STXBP5L: variants seen among roughly 807,000 people sequenced by gnomAD.
The protein encoded by STXBP5L is syntaxin binding protein 5L.
STXBP5L carries 65 observed loss-of-function variants against 144.5 expected under a neutral mutation model. The ratio of observed to expected loss-of-function variants is 0.45; its 90% CI spans 0.37 to 0.55. The LOEUF (loss-of-function observed/expected upper bound fraction) is 0.55. STXBP5L is among the 20% of genes least tolerant of loss of function. STXBP5L has a pLI of 0.00. For synonymous variants in STXBP5L, 505 were observed against 469.6 expected, an observed-to-expected ratio of 1.08 and a Z score of -0.97; for missense variants, 1,298 against 1,405.5, an observed-to-expected ratio of 0.92 and a Z score of 1.22.
intron 3 of STXBP5L, among the ~76,000 whole-genome samples, chr3:120,985,916 G>T (rs962509816): frequency 6.6e-6 from 1 of 150,970 alleles, no homozygotes; most frequent in Admixed American, 6.6e-5. Context: ...TTTTTAATTT[G>T]TCTCTGCTCT....
intron 19 of STXBP5L, among the ~76,000 whole-genome samples, chr3:121,301,715 G>A (rs912799155): frequency 2.0e-5 from 3 of 152,118 alleles, no homozygotes; most frequent in African/African-American, 4.8e-5. Context: ...TTTGAGATAT[G>A]TCCCATCAAT....
chr3:121,036,763 C>T (rs1946779308), intron 3 of STXBP5L, among the ~76,000 whole-genome samples: 1 of 120,944 alleles, frequency 8.3e-6, no homozygotes, highest in Non-Finnish European at 1.6e-5. Context: ...GGATGACTTA[C>T]ATTGATTGAT....
intron 23 of STXBP5L, among the ~76,000 whole-genome samples, chr3:121,408,217 G>A (rs574452153): frequency 6.6e-6 from 1 of 151,850 alleles, no homozygotes; most frequent in Non-Finnish European, 1.5e-5. Flanking sequence ...TCATTCTACT[G>A]TTAGTGAAAT....
intron 20 of STXBP5L, among the ~76,000 whole-genome samples, chr3:121,373,673 C>T (rs949340451): frequency 6.6e-6 from 1 of 152,164 alleles, no homozygotes; most frequent in African/African-American, 2.4e-5. Flanking sequence ...ACATGCCCCA[C>T]CCAGGGGAGC....
intron 9 of STXBP5L, among the ~76,000 whole-genome samples, chr3:121,203,560 A>C (rs532002959): frequency 6.6e-6 from 1 of 152,346 alleles, no homozygotes; most frequent in South Asian, 2.1e-4. Context: ...GATACACAAC[A>C]TGACATTTAA....
At chr3:120,955,194 A>T (rs1008794316) in intron 3 of STXBP5L, among the ~76,000 whole-genome samples, 157 bp downstream of exon 3, 10 of 152,094 alleles carry the variant, frequency 6.6e-5, no homozygotes, top group Admixed American at 1.3e-4. Context: ...ATTTATTGGC[A>T]TATTTTTAAT....
chr3:121,175,998 AT>A (rs2046918265), intron 9 of STXBP5L, among the ~76,000 whole-genome samples: 1 of 152,110 alleles, frequency 6.6e-6, no homozygotes, highest in Non-Finnish European at 1.5e-5. Context: ...TAATAAAGGC[AT>A]TTCTCAAGAA....
intron 11 of STXBP5L, among the ~76,000 whole-genome samples, 159 bp from the exon 12 acceptor site, chr3:121,233,457 C>A (rs1217821677): frequency 6.6e-6 from 1 of 152,038 alleles, no homozygotes; most frequent in African/African-American, 2.4e-5. Context: ...AGAAGCACAA[C>A]TTTTTTTAAG....
chr3:121,080,100 T>C (rs1482571908), intron 5 of STXBP5L, among the ~76,000 whole-genome samples: 1 of 152,206 alleles, frequency 6.6e-6, no homozygotes, highest in African/African-American at 2.4e-5. Context: ...TTTTTTTAAC[T>C]GTTATTGTTT....
intron 2 of STXBP5L, among the ~76,000 whole-genome samples, chr3:120,917,203 C>T (rs1425481342): frequency 6.6e-6 from 1 of 152,058 alleles, no homozygotes; most frequent in Non-Finnish European, 1.5e-5. Context: ...AAACAACAAA[C>T]AAATAACACA....
intron 3 of STXBP5L, among the ~76,000 whole-genome samples, chr3:120,989,092 T>A (rs1022771547): frequency 6.6e-6 from 1 of 152,140 alleles, no homozygotes; most frequent in Non-Finnish European, 1.5e-5. Flanking sequence ...GTTGATTCCA[T>A]ATCTCTGCTA....
chr3:120,981,084 A>T (rs1941724824), intron 3 of STXBP5L, among the ~76,000 whole-genome samples: 2 of 152,148 alleles, frequency 1.3e-5, no homozygotes, highest in Non-Finnish European at 1.5e-5. Context: ...TGTCAGTCTG[A>T]TGGTATTTCC....
chr3:121,102,040 A>G (rs984409164), intron 5 of STXBP5L, among the ~76,000 whole-genome samples: 13 of 152,106 alleles, frequency 8.5e-5, no homozygotes, highest in Non-Finnish European at 1.5e-4. Context: ...GAAGCACAAA[A>G]CACAGCTGAA....
At chr3:121,073,060 C>T (rs1325923258) in intron 5 of STXBP5L, among the ~76,000 whole-genome samples, 2 of 152,364 alleles carry the variant, frequency 1.3e-5, no homozygotes, top group African/African-American at 4.8e-5. Context: ...CACTGCACAT[C>T]CAGCCCGTCT....
intron 7 of STXBP5L, among the ~76,000 whole-genome samples, chr3:121,125,845 A>C (rs2044679324): frequency 6.6e-6 from 1 of 152,202 alleles, no homozygotes; most frequent in South Asian, 2.1e-4. Flanking sequence ...AATTCTGAAG[A>C]GAGGGGGTGT....
chr3:120,975,786 C>T (rs1256653876), intron 3 of STXBP5L, among the ~76,000 whole-genome samples: 4 of 152,230 alleles, frequency 2.6e-5, no homozygotes, highest in Admixed American at 2.0e-4. Flanking sequence ...GCCTTTTCTG[C>T]ATCTATTGAG....
chr3:121,262,586 G>A lies in STXBP5L; in HGVS notation c.1958+3418G>A, dbSNP rs559376127. Among the ~76,000 whole-genome samples the A allele has an allele frequency of 2.6e-5, 4 of 152,216 alleles. No homozygotes were observed. In the East Asian group the frequency reaches 7.7e-4, roughly 29 times the overall value. ...TGCAGTGAGTTGAGATTGTGCCATTGCACTCCAGCCTGGGTGACAGAGTGA... is the reference window on the plus strand; with the variant it reads ...TGCAGTGAGTTGAGATTGTGCCATTACACTCCAGCCTGGGTGACAGAGTGA... On this transcript the variant is annotated intron_variant, in intron 18 of 26. Transcript: ENST00000471454.
intron 8 of STXBP5L, among the ~76,000 whole-genome samples, chr3:121,153,559 A>G (rs532069117): frequency 6.6e-5 from 10 of 152,146 alleles, no homozygotes; most frequent in African/African-American, 2.2e-4. Context: ...GGATAAAAAA[A>G]GTCTCCAGAT....
intron 3 of STXBP5L, among the ~76,000 whole-genome samples, chr3:121,001,816 G>T (rs146273421): frequency 5.4e-4 from 83 of 152,314 alleles, no homozygotes; most frequent in African/African-American, 1.9e-3. Context: ...ATTGGGGTGT[G>T]CTGATCTTCA....
Sources: gnomAD v4.1 joint callset for allele counts (sites outside exome capture counted in the v4.1 genomes callset) on GRCh38, gnomAD v4.1.1 for gene constraint, MANE v1.5 for transcripts, NCBI Gene and HGNC (gene_info 2026-07-23, HGNC 2026-07-21) for gene names.